The following NAV2 variants were observed in gnomAD, a reference collection of about 807,000 sequenced individuals.
NAV2 encodes neuron navigator 2.
In NAV2, 54 loss-of-function variants were observed where a neutral mutation model predicts 223.2. That is an observed-to-expected ratio of 0.24 (90% confidence interval 0.19 to 0.30). The LOEUF is 0.30. Ranked by LOEUF, NAV2 falls within the 10% of genes least tolerant of loss-of-function variation. The pLI is 1.00. For synonymous variants in NAV2, 1,279 were observed against 1,239.3 expected, an observed-to-expected ratio of 1.03 and a Z score of -0.67; for missense variants, 2,806 against 3,147.5, an observed-to-expected ratio of 0.89 and a Z score of 2.60.
intron 1 of NAV2, among the ~76,000 whole-genome samples, chr11:19,367,646 G>C (rs958161404): frequency 5.3e-5 from 8 of 152,138 alleles, no homozygotes; most frequent in African/African-American, 1.9e-4. Context: ...TGGTCTCCTT[G>C]CCAGTGGCCC....
chr11:20,007,962 C>A (rs1465014394), intron 11 of NAV2, among the ~76,000 whole-genome samples: 1 of 152,252 alleles, frequency 6.6e-6, no homozygotes, highest in Admixed American at 6.5e-5. Flanking sequence ...AGAACGTTAT[C>A]ATACTTTACC....
At chr11:19,976,512 C>A (rs986438632) in intron 10 of NAV2, among the ~76,000 whole-genome samples, 2 of 152,216 alleles carry the variant, frequency 1.3e-5, no homozygotes, top group African/African-American at 4.8e-5. Flanking sequence ...CTCAGGCCCA[C>A]CTTTTCCTGC....
At chr11:19,466,271 C>T (rs1041736237) in intron 1 of NAV2, among the ~76,000 whole-genome samples, 1 of 152,166 alleles carries the variant, frequency 6.6e-6, no homozygotes. Context: ...CCTGTGACCT[C>T]GATGCGGAAA....
chr11:19,538,891 TTA>T (rs57662236), intron 1 of NAV2, among the ~76,000 whole-genome samples: 9 of 146,392 alleles, frequency 6.1e-5, no homozygotes, highest in Admixed American at 6.7e-5. Context: ...TAATGACATT[TTA>T]TATATATATA....
intron 1 of NAV2, among the ~76,000 whole-genome samples, chr11:19,478,448 A>T (rs1377595704): frequency 6.6e-6 from 1 of 152,206 alleles, no homozygotes; most frequent in Non-Finnish European, 1.5e-5. Flanking sequence ...GCCAGTTTGG[A>T]GTTCACTGAA....
intron 1 of NAV2, among the ~76,000 whole-genome samples, chr11:19,650,786 T>G (rs2135644734): frequency 6.6e-6 from 1 of 152,132 alleles, no homozygotes; most frequent in South Asian, 2.1e-4. Flanking sequence ...TGAATGAATC[T>G]CAAAAACATG....
chr11:19,669,742 C>T (rs538804231), intron 1 of NAV2, among the ~76,000 whole-genome samples: 1 of 152,278 alleles, frequency 6.6e-6, no homozygotes, highest in African/African-American at 2.4e-5. Context: ...TATCCAGTTC[C>T]CTTTCCTCTT....
At chr11:19,523,753 T>A (rs1199472324) in intron 1 of NAV2, among the ~76,000 whole-genome samples, 1 of 152,172 alleles carries the variant, frequency 6.6e-6, no homozygotes, top group Admixed American at 6.5e-5. Flanking sequence ...CTCGTCACCA[T>A]CTGCACCCCA....
At chr11:19,434,839 A>G (rs1179014591) in intron 1 of NAV2, among the ~76,000 whole-genome samples, 1 of 145,394 alleles carries the variant, frequency 6.9e-6, no homozygotes, top group East Asian at 2.0e-4. Context: ...AAAGAAGCAA[A>G]AGGTTGTGGC....
chr11:19,683,603 G>T (rs772484761), intron 1 of NAV2, among the ~76,000 whole-genome samples: 1 of 152,276 alleles, frequency 6.6e-6, no homozygotes, highest in Non-Finnish European at 1.5e-5. Flanking sequence ...CCTTGGCAAG[G>T]ATTTGGATAG....
Position 20,093,181 on chromosome 11 carries a change from G to A in NAV2, c.5898G>A (p.Glu1966=). The A allele has an allele frequency of 1.2e-6, 2 of 1,613,720 alleles. No individual in the cohort carries two copies. The highest frequency in any genetic ancestry group is 1.7e-6 in the Non-Finnish European group (2 of 1,179,638). The change falls in exon 29 of 38, where the codon GAG becomes GAA. Residue 1966 remains glutamate (E), a synonymous_variant. Coordinates refer to ENST00000349880, the MANE Select transcript of NAV2 (RefSeq NM_145117.5). ...RHVKIVVSFQ[E]EMKWKEDSRP... is the part of the protein sequence containing the mutation. ...TTAAGATAGTTGTCAGCTTTCAGGA[G>A]GAAATGAAGTGGAAGGAGGTTAGTT...
intron 1 of NAV2, among the ~76,000 whole-genome samples, chr11:19,490,268 C>T (rs935139609): frequency 2.0e-5 from 3 of 152,142 alleles, no homozygotes; most frequent in Non-Finnish European, 4.4e-5. Flanking sequence ...AATAAGTCAA[C>T]AATGAAGTTT....
intron 1 of NAV2, among the ~76,000 whole-genome samples, chr11:19,572,529 G>A (rs1181126132): frequency 6.6e-6 from 1 of 152,172 alleles, no homozygotes; most frequent in Non-Finnish European, 1.5e-5. Flanking sequence ...GTTCATTTTG[G>A]GGAAACAGCA....
chr11:19,946,277 A>T, intron 8 of NAV2, 124 bp from the exon 9 acceptor site: 1 of 718,992 alleles, frequency 1.4e-6, no homozygotes, highest in Non-Finnish European at 2.2e-6. Flanking sequence ...AATCCTTATT[A>T]AGCACCCACA....
At chr11:19,391,754 A>T (rs901898592) in intron 1 of NAV2, among the ~76,000 whole-genome samples, 1 of 152,142 alleles carries the variant, frequency 6.6e-6, no homozygotes, top group African/African-American at 2.4e-5. Context: ...GTTAAATCTC[A>T]AGTGTGACTT....
At chr11:19,645,471 C>T (rs1411518638) in intron 1 of NAV2, among the ~76,000 whole-genome samples, 1 of 152,088 alleles carries the variant, frequency 6.6e-6, no homozygotes, top group East Asian at 1.9e-4. Flanking sequence ...TCTTTGGGGG[C>T]CATAATTCCA....
chr11:20,076,958 C>T (rs967065986), intron 22 of NAV2, among the ~76,000 whole-genome samples: 2 of 152,222 alleles, frequency 1.3e-5, no homozygotes, highest in Middle Eastern at 3.4e-3. Flanking sequence ...GAGGAGGTAG[C>T]AGATGGGCCT....
intron 1 of NAV2, among the ~76,000 whole-genome samples, chr11:19,604,833 A>G (rs1282067787): frequency 6.6e-6 from 1 of 152,096 alleles, no homozygotes; most frequent in Non-Finnish European, 1.5e-5. Flanking sequence ...CTTTCTTATG[A>G]TAGTGAATGA....
chr11:20,027,185 CA>C (rs1467381283), intron 11 of NAV2: 1 of 816,908 alleles, frequency 1.2e-6, no homozygotes, highest in Non-Finnish European at 1.5e-6. Flanking sequence ...AAATAGTTAA[CA>C]TACCTGTTTG....
Sources: gnomAD v4.1 joint callset for allele counts (sites outside exome capture counted in the v4.1 genomes callset) on GRCh38, gnomAD v4.1.1 for gene constraint, MANE v1.5 for transcripts, NCBI Gene and HGNC (gene_info 2026-07-23, HGNC 2026-07-21) for gene names.